The following FHOD3 variants were observed in gnomAD, a reference collection of about 807,000 sequenced individuals.
The protein encoded by FHOD3 is formin homology 2 domain containing 3.
A neutral mutation model predicts 173.0 loss-of-function variants in FHOD3; 90 were observed. That is an observed-to-expected ratio of 0.52 (90% CI 0.44 to 0.62). FHOD3 has a LOEUF of 0.62. Ranked by LOEUF, FHOD3 falls within the 20% of genes least tolerant of loss-of-function variation. The pLI is 0.00. For missense variants in FHOD3, 1,945 were observed against 2,034.7 expected, an observed-to-expected ratio of 0.96 and a Z score of 0.85; for synonymous variants, 828 against 823.0, an observed-to-expected ratio of 1.01 and a Z score of -0.10.
intron 3 of FHOD3, among the ~76,000 whole-genome samples, chr18:36,459,950 G>C (rs1188588621): frequency 6.6e-6 from 1 of 152,134 alleles, no homozygotes; most frequent in East Asian, 1.9e-4. Flanking sequence ...GGCTGTGACA[G>C]TTTCTCAGAC....
chr18:36,668,952 C>A (rs182406022), intron 14 of FHOD3, among the ~76,000 whole-genome samples: 3 of 151,946 alleles, frequency 2.0e-5, no homozygotes, highest in African/African-American at 7.2e-5. Flanking sequence ...GAATATGTAT[C>A]CTGATGTTTT....
In FHOD3 at chr18:36,555,763, A is replaced by G. The variant is rs148328389; in HGVS notation, c.512-20688A>G. Among the ~76,000 whole-genome samples, 255 of 152,272 alleles carry G rather than the reference A, an allele frequency of 1.7e-3. 1 individual carries two copies. The highest frequency in any genetic ancestry group is 5.6e-3 in the African/African-American group (234 of 41,568). On this transcript the variant is annotated intron_variant, in intron 5 of 28. Coordinates refer to ENST00000590592, the MANE Select transcript of FHOD3 (RefSeq NM_001281740.3). ...TTACATTTGTCATATCCTCTTGTCA[A>G]ATTGACCCCTTTATCATTATGAAAT...
chr18:36,593,549 T>C (rs1183480614), intron 6 of FHOD3, among the ~76,000 whole-genome samples: 1 of 152,192 alleles, frequency 6.6e-6, no homozygotes, highest in Non-Finnish European at 1.5e-5. Context: ...CCCCCAAATT[T>C]ACCTATAAAT....
intron 1 of FHOD3, among the ~76,000 whole-genome samples, chr18:36,316,657 CTG>C (rs1182760517): frequency 1.3e-5 from 2 of 152,194 alleles, no homozygotes; most frequent in Admixed American, 6.5e-5. Context: ...ATAAGGCAAA[CTG>C]TAAGAGCCCA....
intron 3 of FHOD3, among the ~76,000 whole-genome samples, chr18:36,433,077 TA>T (rs1000516386): frequency 7.2e-5 from 11 of 152,302 alleles, no homozygotes; most frequent in African/African-American, 2.4e-4. Flanking sequence ...CTCCCCTGAT[TA>T]GGTCAGGCTC....
At chr18:36,639,394 A>C (rs1390543660) in intron 10 of FHOD3, among the ~76,000 whole-genome samples, 1 of 151,974 alleles carries the variant, frequency 6.6e-6, no homozygotes, top group East Asian at 1.9e-4. Context: ...CAAAAAAGGC[A>C]GGGTGTGGTG....
intron 1 of FHOD3, among the ~76,000 whole-genome samples, chr18:36,318,584 G>A (rs2044244699): frequency 6.6e-6 from 1 of 152,210 alleles, no homozygotes; most frequent in Admixed American, 6.5e-5. Flanking sequence ...TTTGTATCCT[G>A]AGACTTTGCT....
At chr18:36,499,525 A>C (rs1002446740) in intron 3 of FHOD3, among the ~76,000 whole-genome samples, 2 of 152,054 alleles carry the variant, frequency 1.3e-5, no homozygotes, top group Non-Finnish European at 2.9e-5. Flanking sequence ...TGATAGTTTT[A>C]TTCTTATTTA....
At chr18:36,384,343 A>G (rs1451754248) in intron 3 of FHOD3, among the ~76,000 whole-genome samples, 2 of 151,924 alleles carry the variant, frequency 1.3e-5, no homozygotes, top group Admixed American at 1.3e-4. Flanking sequence ...TCGCACTACT[A>G]AACTCCAGCC....
chr18:36,432,793 T>C (rs1042556550), intron 3 of FHOD3, among the ~76,000 whole-genome samples: 1 of 152,384 alleles, frequency 6.6e-6, no homozygotes, highest in East Asian at 1.9e-4. Flanking sequence ...TGTTCACTGC[T>C]CTTTATCATA....
chr18:36,602,642 G>T (rs759731074), intron 7 of FHOD3, 32 bp from the exon 8 acceptor site: 1 of 1,439,568 alleles, frequency 6.9e-7, no homozygotes, highest in Non-Finnish European at 9.8e-7. Flanking sequence ...TTGATGAATT[G>T]CTGTTTCTAA....
intron 1 of FHOD3, among the ~76,000 whole-genome samples, chr18:36,304,787 C>T (rs1376743511): frequency 1.3e-5 from 2 of 152,094 alleles, no homozygotes; most frequent in African/African-American, 4.8e-5. Context: ...AGTATATGCT[C>T]CTAAATTTTT....
At chr18:36,492,660 A>G (rs906301290) in intron 3 of FHOD3, among the ~76,000 whole-genome samples, 3 of 152,166 alleles carry the variant, frequency 2.0e-5, no homozygotes, top group Non-Finnish European at 4.4e-5. Flanking sequence ...TGGGATTTCA[A>G]TAAGTTCTTC....
chr18:36,368,009 T>C (rs2046983802), intron 2 of FHOD3, among the ~76,000 whole-genome samples: 1 of 150,770 alleles, frequency 6.6e-6, no homozygotes, highest in Non-Finnish European at 1.5e-5. Flanking sequence ...TCCCCAGCCA[T>C]GTGGAACTGT....
At chr18:36,365,061 A>C (rs2046830382) in intron 2 of FHOD3, among the ~76,000 whole-genome samples, 1 of 152,140 alleles carries the variant, frequency 6.6e-6, no homozygotes, top group East Asian at 1.9e-4. Flanking sequence ...TGAGCTAATC[A>C]AGATGTCAAG....
intron 23 of FHOD3, among the ~76,000 whole-genome samples, chr18:36,745,186 C>G (rs185902872): frequency 1.7e-4 from 26 of 152,326 alleles, no homozygotes; most frequent in African/African-American, 4.3e-4. Flanking sequence ...GCCTCCTCCA[C>G]CTACCTCCAG....
intron 3 of FHOD3, among the ~76,000 whole-genome samples, chr18:36,484,522 G>A (rs2054091315): frequency 6.6e-6 from 1 of 152,078 alleles, no homozygotes; most frequent in Non-Finnish European, 1.5e-5. Context: ...AAATCTAGTA[G>A]CCTTAAGTCT....
intron 1 of FHOD3, among the ~76,000 whole-genome samples, chr18:36,329,487 G>A (rs2044865708): frequency 6.6e-6 from 1 of 152,172 alleles, no homozygotes; most frequent in South Asian, 2.1e-4. Flanking sequence ...TGGAGTCATT[G>A]TCATGTAGAC....
intron 5 of FHOD3, among the ~76,000 whole-genome samples, chr18:36,566,437 A>G (rs533358627): frequency 1.3e-5 from 2 of 152,320 alleles, no homozygotes; most frequent in East Asian, 3.9e-4. Context: ...TTTCAAGTCA[A>G]AGCCTTCAGA....
Sources: allele counts gnomAD v4.1 joint callset (sites outside exome capture counted in the v4.1 genomes callset), GRCh38; gene constraint gnomAD v4.1.1; transcripts MANE v1.5; gene names NCBI Gene and HGNC (gene_info 2026-07-23, HGNC 2026-07-21).